Variants in FRMD4A observed in about 807,000 individuals in gnomAD.
FRMD4A encodes FERM domain containing 4A, also known as FERM domain-containing protein 4A.
In FRMD4A, 29 loss-of-function variants were observed where a neutral mutation model predicts 129.1. The observed-to-expected ratio is 0.22, with a 90% confidence interval of 0.17 to 0.31. The LOEUF (loss-of-function observed/expected upper bound fraction) is 0.31. Ranked by LOEUF, FRMD4A falls within the 10% of genes least tolerant of loss-of-function variation. FRMD4A has a pLI of 1.00. For missense variants in FRMD4A, 1,272 were observed against 1,375.8 expected, an observed-to-expected ratio of 0.92 and a Z score of 1.19; for synonymous variants, 634 against 571.6, an observed-to-expected ratio of 1.11 and a Z score of -1.56.
chr10:13,796,606 A>C lies in FRMD4A; in HGVS notation c.207-18T>G. On this transcript the variant is annotated intron_variant, in intron 4 of 24. Transcript: ENST00000357447. The stretch of plus-strand genomic sequence containing the variant: ...AGTGTCCCCTGAAGAAAATAGAGAC[A>C]AATTGGTTAGGGGTTTGCATTTTGC... 1.5e-6 allele frequency: 2 copies of C among 1,352,086 alleles called. No homozygotes were observed. The highest frequency in any genetic ancestry group is 2.1e-6 in the Non-Finnish European group (2 of 939,608). 83.8% of individuals were successfully genotyped at this position (1,352,086 alleles called of 1,614,324 possible).
intron 2 of FRMD4A, among the ~76,000 whole-genome samples, chr10:14,145,098 T>C (rs1840011340): frequency 6.6e-6 from 1 of 152,146 alleles, no homozygotes. Flanking sequence ...TGAGCTTACA[T>C]AGAAACAGAA....
intron 2 of FRMD4A, among the ~76,000 whole-genome samples, chr10:14,323,452 T>C (rs1162931544): frequency 6.6e-6 from 1 of 152,218 alleles, no homozygotes; most frequent in Non-Finnish European, 1.5e-5. Flanking sequence ...TGCTTCTCCA[T>C]TTATATTTAT....
At chr10:13,731,362 A>G (rs931964499) in intron 12 of FRMD4A, among the ~76,000 whole-genome samples, 1 of 151,946 alleles carries the variant, frequency 6.6e-6, no homozygotes, top group Non-Finnish European at 1.5e-5. Flanking sequence ...AAAATTCTAC[A>G]TCTTGGCCGG....
intron 2 of FRMD4A, among the ~76,000 whole-genome samples, chr10:13,993,860 T>C (rs946958164): frequency 4.0e-5 from 6 of 150,874 alleles, no homozygotes; most frequent in African/African-American, 1.2e-4. Context: ...TTTAAAAAAA[T>C]ATATATTCTG....
chr10:13,906,255 T>TA lies in FRMD4A; in HGVS notation c.46-47344dup, dbSNP rs369851144. Among the ~76,000 whole-genome samples the TA allele has an allele frequency of 5.1e-3, 783 of 152,360 alleles. 11 individuals are homozygous for TA. Among genetic ancestry groups the TA allele is most frequent in the African/African-American group, 0.018 (736 of 41,582 alleles). On this transcript the variant is annotated intron_variant, in intron 2 of 24. Coordinates refer to ENST00000357447, the MANE Select transcript of FRMD4A (RefSeq NM_018027.5). ...TGAATCTTCCAGAAGGGCCTTTTTT[T>TA]ATCTGTCTATATAGCAGGCTGAAAC...
chr10:13,910,630 T>G (rs1218563697), intron 2 of FRMD4A, among the ~76,000 whole-genome samples: 2 of 152,252 alleles, frequency 1.3e-5, no homozygotes, highest in Admixed American at 1.3e-4. Flanking sequence ...TTTTGCTAAA[T>G]GTATGCTGAT....
chr10:13,814,598 AAAAAAAAAAGAAAG>A, intron 3 of FRMD4A, among the ~76,000 whole-genome samples: 2 of 142,414 alleles, frequency 1.4e-5, no homozygotes, highest in Non-Finnish European at 3.2e-5. Flanking sequence ...AAAAAAAAAA[AAAAAAAAAAGAAAG>A]AAAGGGAAAG....
chr10:14,180,943 CTG>C (rs919426998), intron 2 of FRMD4A, among the ~76,000 whole-genome samples: 10 of 152,200 alleles, frequency 6.6e-5, no homozygotes, highest in Non-Finnish European at 1.3e-4. Context: ...TTGTGGCACA[CTG>C]AGGAAAACAC....
intron 2 of FRMD4A, among the ~76,000 whole-genome samples, chr10:13,979,094 C>T (rs369636326): frequency 1.3e-5 from 2 of 152,238 alleles, no homozygotes; most frequent in African/African-American, 4.8e-5. Context: ...ACCCTCTTTT[C>T]TTAATCTCCT....
intron 2 of FRMD4A, among the ~76,000 whole-genome samples, chr10:14,122,971 C>T (rs531735248): frequency 6.6e-6 from 1 of 152,226 alleles, no homozygotes; most frequent in South Asian, 2.1e-4. Context: ...TGCTAACTAT[C>T]ATCATCCTAC....
chr10:14,186,711 C>T (rs748906489), intron 2 of FRMD4A, among the ~76,000 whole-genome samples: 1 of 152,124 alleles, frequency 6.6e-6, no homozygotes, highest in African/African-American at 2.4e-5. Context: ...GGAGGGTTAT[C>T]AGCCTCTGAG....
At chr10:14,211,570 A>G (rs1165001393) in intron 2 of FRMD4A, among the ~76,000 whole-genome samples, 2 of 152,110 alleles carry the variant, frequency 1.3e-5, no homozygotes, top group African/African-American at 4.8e-5. Context: ...CTTAAATCCC[A>G]TCCTCCTTTC....
At chr10:13,829,044 C>T (rs1554924207) in intron 3 of FRMD4A, among the ~76,000 whole-genome samples, 1 of 152,168 alleles carries the variant, frequency 6.6e-6, no homozygotes, top group Non-Finnish European at 1.5e-5. Flanking sequence ...TACTGTTTTC[C>T]ATAGACGTTG....
intron 6 of FRMD4A, among the ~76,000 whole-genome samples, chr10:13,780,010 G>A (rs538245023): frequency 1.3e-5 from 2 of 152,118 alleles, no homozygotes; most frequent in Non-Finnish European, 2.9e-5. Flanking sequence ...GTAGCCAGTG[G>A]AGTGGGTGTT....
chr10:13,860,636 T>G (rs2094282351), intron 2 of FRMD4A, among the ~76,000 whole-genome samples: 1 of 152,164 alleles, frequency 6.6e-6, no homozygotes, highest in Non-Finnish European at 1.5e-5. Context: ...CATCAGTAGA[T>G]CCTGGCCCTG....
intron 6 of FRMD4A, among the ~76,000 whole-genome samples, chr10:13,782,017 C>G (rs535067360): frequency 5.9e-5 from 9 of 152,300 alleles, no homozygotes; most frequent in African/African-American, 2.2e-4. Flanking sequence ...GCACCAAATT[C>G]TCACAAATCA....
intron 2 of FRMD4A, among the ~76,000 whole-genome samples, chr10:13,872,914 A>G (rs7916623): frequency 1 from 152,189 of 152,272 alleles, 76,054 homozygotes; most frequent in Middle Eastern, 1. Flanking sequence ...GAGCCTGGGC[A>G]CAGTGACTCA....
At chr10:14,309,625 A>G (rs1169855988) in intron 2 of FRMD4A, among the ~76,000 whole-genome samples, 1 of 152,132 alleles carries the variant, frequency 6.6e-6, no homozygotes, top group Non-Finnish European at 1.5e-5. Context: ...GCCACCAGTC[A>G]TTAAGGCTTC....
In FRMD4A at chr10:14,029,469, C is replaced by A. The variant is rs138785592; in HGVS notation, c.46-170557G>T. 1.2e-3 allele frequency among the ~76,000 whole-genome samples: 184 copies of A among 152,216 alleles called. 1 individual carries two copies. The highest frequency in any genetic ancestry group is 4.0e-3 in the African/African-American group (166 of 41,538). ...CTAGATTAATTCAGTTCATATCAAC[C>A]AATCTCTATTAAGGACAACCACGTG... On this transcript the variant is annotated intron_variant, in intron 2 of 24. Coordinates refer to ENST00000357447, the MANE Select transcript of FRMD4A (RefSeq NM_018027.5).
Sources: allele counts gnomAD v4.1 joint callset (sites outside exome capture counted in the v4.1 genomes callset), GRCh38; gene constraint gnomAD v4.1.1; transcripts MANE v1.5; gene names NCBI Gene and HGNC (gene_info 2026-07-23, HGNC 2026-07-21).